Variants in CARS2 observed in about 807,000 individuals in gnomAD.
CARS2 encodes the protein cysteinyl-tRNA synthetase 2, mitochondrial.
CARS2 carries 52 observed loss-of-function variants against 68.8 expected under a neutral mutation model. That is an observed-to-expected ratio of 0.76 (90% CI 0.61 to 0.95). The LOEUF is 0.95. Among genes scored for constraint, CARS2 ranks in the 40% least tolerant of loss-of-function variants. The pLI is 0.00. For synonymous variants in CARS2, 314 were observed against 303.6 expected (o/e 1.03, Z -0.36); for missense variants, 780 against 754.2 (o/e 1.03, Z -0.40).
At chr13:110,661,575 C>T (rs1163234942) in intron 9 of CARS2, among the ~76,000 whole-genome samples, 1 of 152,212 alleles carries the variant, frequency 6.6e-6, no homozygotes, top group Non-Finnish European at 1.5e-5. Flanking sequence ...CCTTCAAGAA[C>T]TTTTCCTTTG....
intron 3 of CARS2, among the ~76,000 whole-genome samples, chr13:110,698,250 T>G (rs1413201994): frequency 6.6e-6 from 1 of 152,148 alleles, no homozygotes; most frequent in Admixed American, 6.5e-5. Context: ...CCAGGCGTGG[T>G]GGCTCACACC....
intron 10 of CARS2, among the ~76,000 whole-genome samples, chr13:110,649,649 C>T (rs450514): frequency 7.9e-5 from 12 of 152,044 alleles, no homozygotes; most frequent in South Asian, 2.1e-4. Flanking sequence ...AAGAGAGCTA[C>T]GTAGGAGGGA....
chr13:110,712,490 C>T, intron 1 of CARS2: 1 of 270,168 alleles, frequency 3.7e-6, no homozygotes, highest in Admixed American at 5.3e-5. Context: ...TGCACAAAGG[C>T]ACGAGGCCAC....
chr13:110,686,608 G>A (rs1430525927), intron 5 of CARS2, among the ~76,000 whole-genome samples: 1 of 151,968 alleles, frequency 6.6e-6, no homozygotes, highest in Non-Finnish European at 1.5e-5. Context: ...CCAGGCTGGA[G>A]TACAATGGTG....
rs1032662056 is a variant in CARS2, at chr13:110,668,467, G to A, written c.786-994C>T. Among the ~76,000 whole-genome samples, 2 of 152,094 alleles carry A rather than the reference G, an allele frequency of 1.3e-5. No homozygotes were observed. The highest frequency in any genetic ancestry group is 2.9e-5 in the Non-Finnish European group (2 of 68,020). ...TGAGGCAAGAGAATGGCATGAACCCGGGAGGCGGAGCTTGCAGTGAGCCGA... is the reference window on the plus strand; with the variant it reads ...TGAGGCAAGAGAATGGCATGAACCCAGGAGGCGGAGCTTGCAGTGAGCCGA... On this transcript the variant is annotated intron_variant, in intron 7 of 14. Transcript: ENST00000257347. This position sits in a 1 kb window ranked among gnomAD's most constrained non-coding sequence, Gnocchi z 4.1.
At chr13:110,685,218 G>A (rs1318356902) in intron 5 of CARS2, among the ~76,000 whole-genome samples, 1 of 152,046 alleles carries the variant, frequency 6.6e-6, no homozygotes, top group Non-Finnish European at 1.5e-5. Context: ...GCTGAGGCAG[G>A]AGAATTGCTT....
At chr13:110,651,255 A>G (rs1260047872) in intron 9 of CARS2, 155 bp from the exon 10 acceptor site, 1 of 558,534 alleles carries the variant, frequency 1.8e-6, no homozygotes, top group African/African-American at 2.0e-5. Flanking sequence ...CACAATTACC[A>G]CCTGTTTCCT....
At chr13:110,651,145 C>T in intron 9 of CARS2, 45 bp from the exon 10 acceptor site, 1 of 1,329,798 alleles carries the variant, frequency 7.5e-7, no homozygotes, top group Non-Finnish European at 1.1e-6. Context: ...TGCTTTTACG[C>T]TTCGCACTGT....
intron 3 of CARS2, among the ~76,000 whole-genome samples, chr13:110,696,837 C>A (rs1356624813): frequency 6.6e-6 from 1 of 152,232 alleles, no homozygotes; most frequent in East Asian, 1.9e-4. Flanking sequence ...CTGGCCACCT[C>A]CTCCTTCCTG....
At chr13:110,698,154 A>G (rs1199687698) in intron 3 of CARS2, among the ~76,000 whole-genome samples, 1 of 152,218 alleles carries the variant, frequency 6.6e-6, no homozygotes, top group Non-Finnish European at 1.5e-5. Flanking sequence ...GGGAAGCCAC[A>G]ATGACAGACA....
chr13:110,669,404 A>G (rs1242078208), intron 7 of CARS2, among the ~76,000 whole-genome samples: 3 of 152,116 alleles, frequency 2.0e-5, no homozygotes, highest in Non-Finnish European at 2.9e-5. Context: ...CAAAGCCCAC[A>G]GGTTTCGAGG....
At chr13:110,707,773 GTTTGC>G (rs1216441647), upstream of CARS2, 1 of 152,132 alleles carries the variant, frequency 6.6e-6, no homozygotes, top group Non-Finnish European at 1.5e-5. Flanking sequence ...GTTGTTTTTA[GTTTGC>G]TTTGGTGTTT....
At chr13:110,682,935 T>G (rs910571315) in intron 6 of CARS2, 116 bp downstream of exon 6, 1 of 588,310 alleles carries the variant, frequency 1.7e-6, no homozygotes, top group Non-Finnish European at 2.9e-6. Context: ...AGCTGTGACC[T>G]GGGTAAGGCC....
intron 3 of CARS2, chr13:110,688,756 A>T (rs2139864969): frequency 6.5e-6 from 1 of 152,922 alleles, no homozygotes; most frequent in Admixed American, 6.5e-5. Context: ...CTTAAAATAC[A>T]AAAGTTAGCC....
intron 7 of CARS2, 56 bp from the exon 8 acceptor site, chr13:110,667,529 C>T: frequency 6.5e-7 from 1 of 1,538,270 alleles, no homozygotes; most frequent in Non-Finnish European, 8.9e-7. Context: ...ATATTTTCTT[C>T]TAACCTCGTC....
intron 9 of CARS2, among the ~76,000 whole-genome samples, chr13:110,661,029 G>T (rs1459439911): frequency 6.6e-6 from 1 of 152,130 alleles, no homozygotes; most frequent in East Asian, 1.9e-4. Context: ...CAAAGTGCTG[G>T]GATTACAAAC....
intron 7 of CARS2, among the ~76,000 whole-genome samples, chr13:110,672,219 T>C (rs1047659999): frequency 1.3e-5 from 2 of 152,204 alleles, no homozygotes; most frequent in Non-Finnish European, 2.9e-5. Flanking sequence ...GCGGACCTAA[T>C]AGACATCTAC....
intron 8 of CARS2, 54 bp downstream of exon 8, chr13:110,667,286 A>G: frequency 1.5e-5 from 23 of 1,524,670 alleles, no homozygotes; most frequent in Non-Finnish European, 2.1e-5. Flanking sequence ...CCGCCGACAA[A>G]GACAGAACTG....
rs1429217607 is a variant in CARS2 at position 110,646,947 on chromosome 13, T to C, written c.1193+154A>G. The C allele has an allele frequency of 3.4e-6, 3 of 880,974 alleles. No individual in the cohort carries two copies. In the East Asian group the frequency reaches 8.2e-5, roughly 24 times the overall value. The allele number at this position is 880,974 out of a possible 1,614,324, so 54.6% of individuals were successfully genotyped here. ...CACCTGCACCTCCTGCCCAGCACCCTGTCTCCTGGGGCCTCTCTGGGCAGT... is the reference window on the plus strand; with the variant it reads ...CACCTGCACCTCCTGCCCAGCACCCCGTCTCCTGGGGCCTCTCTGGGCAGT... On this transcript the variant is annotated intron_variant, in intron 11 of 14. Coordinates refer to ENST00000257347, the MANE Select transcript of CARS2 (RefSeq NM_024537.4).
Sources: allele counts gnomAD v4.1 joint callset (sites outside exome capture counted in the v4.1 genomes callset), GRCh38; gene constraint gnomAD v4.1.1; non-coding constraint Gnocchi (gnomAD v3.1); transcripts MANE v1.5; gene names NCBI Gene and HGNC (gene_info 2026-07-23, HGNC 2026-07-21).